PEDS1: variants seen among roughly 807,000 people sequenced by gnomAD.
The protein encoded by PEDS1 is plasmanylethanolamine desaturase 1.
A neutral mutation model predicts 35.2 loss-of-function variants in PEDS1; 14 were observed. The ratio of observed to expected loss-of-function variants is 0.40; its 90% confidence interval spans 0.26 to 0.62. The LOEUF is 0.62. PEDS1 is among the 20% of genes least tolerant of loss of function. The probability of loss-of-function intolerance (pLI) is 0.44; values close to 1 mark genes in which losing one functional copy is unlikely to be tolerated. For missense variants in PEDS1, 260 were observed against 367.8 expected, an observed-to-expected ratio of 0.71 and a Z score of 2.40; for synonymous variants, 152 against 152.0, an observed-to-expected ratio of 1.00 and a Z score of 0.00.
chr20:50,137,413 A>C (rs2081248237), intron 2 of PEDS1, among the ~76,000 whole-genome samples: 1 of 152,208 alleles, frequency 6.6e-6, no homozygotes, highest in African/African-American at 2.4e-5. Context: ...CACAGTGATA[A>C]GTCATGTTGA....
At chr20:50,132,243 C>A (rs149294997) in intron 2 of PEDS1, among the ~76,000 whole-genome samples, 1 of 152,116 alleles carries the variant, frequency 6.6e-6, no homozygotes, top group Non-Finnish European at 1.5e-5. Context: ...CTAACATTTA[C>A]GAGCACTTTC....
chr20:50,128,312 C>T lies in PEDS1; in HGVS notation c.479-125G>A, dbSNP rs895235855. On this transcript the variant is annotated intron_variant, in intron 4 of 5. Transcript: ENST00000371652. This position sits in a 1 kb window ranked among gnomAD's most constrained non-coding sequence, Gnocchi z 5.2. ...TGGGCAAGCACCCAGGATTCTCTTC[C>T]ACCCCCTGCAGGGCCGCAGGCAAGC... is the stretch of plus-strand genomic sequence containing the variant. 1.1e-5 allele frequency: 14 copies of T among 1,230,194 alleles called. No individual in the cohort carries two copies. The highest frequency in any genetic ancestry group is 5.3e-4 in the Middle Eastern group (2 of 3,766). The allele number at this position is 1,230,194 out of a possible 1,614,324, so 76.2% of individuals were successfully genotyped here. A position where few individuals can be genotyped will look rare whatever the true frequency, so the allele number is the denominator to read the frequency against.
rs2081066717 is a variant in PEDS1, at chr20:50,123,289, A to C, written c.*1769T>G. ...TGTTCTTTTTTTTTTTTTCTAAGCG[A>C]AGTCTCGCTCTTATCCCCCAGGTTT... On this transcript the variant is annotated 3_prime_UTR_variant, in exon 6 of 6. Coordinates refer to ENST00000371652, the MANE Select transcript of PEDS1 (RefSeq NM_199129.4). 1 of 149,462 alleles carries C rather than the reference A, an allele frequency of 6.7e-6. No individual in the cohort carries two copies. The highest frequency in any genetic ancestry group is 6.7e-5 in the Admixed American group (1 of 15,034). The allele number at this position is 149,462 out of a possible 1,614,324, so 9.3% of individuals were successfully genotyped here. A position where few individuals can be genotyped will look rare whatever the true frequency, so the allele number is the denominator to read the frequency against.
At chr20:50,127,854 A>G (rs1441990250) in intron 5 of PEDS1, 121 bp downstream of exon 5, 3 of 1,359,448 alleles carry the variant, frequency 2.2e-6, no homozygotes, top group Non-Finnish European at 3.0e-6. Context: ...ATGACCTGAG[A>G]GACTGTTCCC....
rs760411151 is a variant in PEDS1, at chr20:50,153,376, G to A, written c.121+141C>T. 8.3e-6 allele frequency: 10 copies of A among 1,208,032 alleles called. No individual in the cohort carries two copies. The African/African-American group carries it at 1.6e-4, about 19-fold the overall frequency. The allele number at this position is 1,208,032 out of a possible 1,614,324, so 74.8% of individuals were successfully genotyped here. A position where few individuals can be genotyped will look rare whatever the true frequency, so the allele number is the denominator to read the frequency against. ...GGTTCGGAAGGGACACTGGGGTGGG[G>A]TCCCCGAACTTGCTATTTGCAAGTT... On this transcript the variant is annotated intron_variant, in intron 1 of 5. Coordinates refer to ENST00000371652, the MANE Select transcript of PEDS1 (RefSeq NM_199129.4).
chr20:50,143,499 C>T lies in PEDS1; in HGVS notation c.241+3G>A, dbSNP rs779290720. 2 of 1,603,600 alleles carry T rather than the reference C, an allele frequency of 1.2e-6. No individual in the cohort carries two copies. Among genetic ancestry groups the T allele is most frequent in the South Asian group, 1.1e-5 (1 of 89,244 alleles). On this transcript the variant is annotated splice_donor_region_variant and intron_variant, in intron 2 of 5. Coordinates refer to ENST00000371652, the MANE Select transcript of PEDS1 (RefSeq NM_199129.4). ...GGCAGGCAGCAGTGCCTCGGGCACT[C>T]ACCAACACCGAGTATGACGAGGGGT... is the stretch of plus-strand genomic sequence containing the variant.
At chr20:50,131,272 C>T in intron 2 of PEDS1, 1 of 608,798 alleles carries the variant, frequency 1.6e-6, no homozygotes, top group South Asian at 2.0e-5. Context: ...AAAGCCTGCT[C>T]TGCACCAGTG....
chr20:50,146,113 C>T (rs558172243), intron 1 of PEDS1, among the ~76,000 whole-genome samples: 22 of 152,350 alleles, frequency 1.4e-4, no homozygotes, highest in Non-Finnish European at 2.5e-4. Flanking sequence ...CGGGGCCAGG[C>T]AGGTCCCTGT....
chr20:50,146,399 C>G (rs1385647644), intron 1 of PEDS1, among the ~76,000 whole-genome samples: 3 of 152,174 alleles, frequency 2.0e-5, no homozygotes, highest in Non-Finnish European at 4.4e-5. Context: ...AGAACCATGT[C>G]TGGCTCACTC....
At position 50,124,049 on chromosome 20, in the gene PEDS1, C is replaced by G. The variant is rs2081073809; in HGVS notation, c.*1009G>C. 6.5e-6 allele frequency: 1 copy of G among 152,678 alleles called. No individual in the cohort carries two copies. Among genetic ancestry groups the G allele is most frequent in the East Asian group, 1.9e-4 (1 of 5,188 alleles). 9.5% of individuals were successfully genotyped at this position (152,678 alleles called of 1,614,324 possible). ...TAATTCACTGTCTCAGGTGACAGCT[C>G]TCATCCTGAGGCCAGGGTTGGGGGG... On this transcript the variant is annotated 3_prime_UTR_variant, in exon 6 of 6. Transcript: ENST00000371652.
chr20:50,150,318 C>T (rs773114488), intron 1 of PEDS1, among the ~76,000 whole-genome samples: 1 of 152,176 alleles, frequency 6.6e-6, no homozygotes, highest in South Asian at 2.1e-4. Context: ...ACATTCTGCT[C>T]CTAGAACCCA....
At chr20:50,133,508 C>T (rs1339496248) in intron 2 of PEDS1, among the ~76,000 whole-genome samples, 1 of 152,148 alleles carries the variant, frequency 6.6e-6, no homozygotes, top group Non-Finnish European at 1.5e-5. Flanking sequence ...TGGCCCTGCT[C>T]TGGTCTGGGC....
rs189480023 is a variant in PEDS1, at chr20:50,150,730, T to C, written c.121+2787A>G. Reference sequence around the variant, plus strand: ...TTTTTTGAGACAGAGTCTCGCTCTGTCATCCAGGCTGGAATGCAGTGGTGT... The same window carrying C: ...TTTTTTGAGACAGAGTCTCGCTCTGCCATCCAGGCTGGAATGCAGTGGTGT... On this transcript the variant is annotated intron_variant, in intron 1 of 5. Coordinates refer to ENST00000371652, the MANE Select transcript of PEDS1 (RefSeq NM_199129.4). Among the ~76,000 whole-genome samples, 14 of 152,114 alleles carry C rather than the reference T, an allele frequency of 9.2e-5. No homozygotes were observed. In the East Asian group the frequency reaches 2.7e-3, roughly 29 times the overall value.
chr20:50,153,562 C>T lies in PEDS1; in HGVS notation c.76G>A (p.Ala26Thr). The change falls in exon 1 of 6, where the codon GCG becomes ACG. Residue 26 changes from alanine (A) to threonine (T), a missense_variant. By Grantham distance (58) the Ala-to-Thr change is moderately conservative. This residue lies in a region of PEDS1 where 114 missense variants were observed against 121.6 expected (regional missense o/e 0.94). Transcript: ENST00000371652. Reference protein sequence around the residue: ...EDEASCCRWGAQHAGARELAA... With the variant: ...EDEASCCRWGTQHAGARELAA... ...AGCTCGCGGGCCCCGGCGTGCTGCG[C>T]GCCCCAGCGGCAACAAGACGCCTCG... is the stretch of plus-strand genomic sequence containing the variant. The T allele has an allele frequency of 2.1e-6, 3 of 1,434,346 alleles. No homozygotes were observed. Among genetic ancestry groups the T allele is most frequent in the East Asian group, 3.0e-5 (1 of 33,174 alleles). 88.9% of individuals were successfully genotyped at this position (1,434,346 alleles called of 1,614,324 possible).
In PEDS1 at chr20:50,122,181, T is replaced by C. The variant is rs904227862; in HGVS notation, c.*2877A>G. The stretch of plus-strand genomic sequence containing the variant: ...AAACAGAGCTTAGAGAGACCACGTT[T>C]TGATGAATCATGTGAGCCCCTGGGT... On this transcript the variant is annotated 3_prime_UTR_variant, in exon 6 of 6. Coordinates refer to ENST00000371652, the MANE Select transcript of PEDS1 (RefSeq NM_199129.4). The C allele has an allele frequency of 1.3e-5, 2 of 152,240 alleles. No individual in the cohort carries two copies. Among genetic ancestry groups the C allele is most frequent in the Non-Finnish European group, 2.9e-5 (2 of 68,042 alleles). The allele number at this position is 152,240 out of a possible 1,614,324, so 9.4% of individuals were successfully genotyped here.
intron 1 of PEDS1, among the ~76,000 whole-genome samples, chr20:50,146,049 C>T (rs954707927): frequency 3.3e-5 from 5 of 152,194 alleles, no homozygotes; most frequent in African/African-American, 9.7e-5. Flanking sequence ...TTCCCCATCA[C>T]CCTATCACCT....
At chr20:50,144,114 G>A (rs1409142491) in intron 1 of PEDS1, among the ~76,000 whole-genome samples, 1 of 152,114 alleles carries the variant, frequency 6.6e-6, no homozygotes, top group Non-Finnish European at 1.5e-5. Flanking sequence ...CCCTCACCAA[G>A]GTCAAACAGT....
At chr20:50,130,750 T>C in intron 3 of PEDS1, 106 bp downstream of exon 3, 1 of 1,397,740 alleles carries the variant, frequency 7.2e-7, no homozygotes, top group Non-Finnish European at 9.8e-7. Context: ...CAATGATGGT[T>C]CCCATCTTTC....
In PEDS1 at chr20:50,124,927, G is replaced by C; in HGVS notation, c.*131C>G. The C allele has an allele frequency of 7.9e-7, 1 of 1,272,592 alleles. No individual in the cohort carries two copies. Among genetic ancestry groups the C allele is most frequent in the Non-Finnish European group, 1.1e-6 (1 of 912,464 alleles). The allele number at this position is 1,272,592 out of a possible 1,614,324, so 78.8% of individuals were successfully genotyped here. A position where few individuals can be genotyped will look rare whatever the true frequency, so the allele number is the denominator to read the frequency against. The stretch of plus-strand genomic sequence containing the variant: ...ATTCTGTGTCATGAGGGGTGGGCTG[G>C]GGTACCTGGGCCCAGCCCAGGAGAT... On this transcript the variant is annotated 3_prime_UTR_variant, in exon 6 of 6. Transcript: ENST00000371652.
Sources: allele counts gnomAD v4.1 joint callset (sites outside exome capture counted in the v4.1 genomes callset), GRCh38; gene constraint gnomAD v4.1.1; regional missense constraint gnomAD v4.1.1; non-coding constraint Gnocchi (gnomAD v3.1); transcripts MANE v1.5; gene names NCBI Gene and HGNC (gene_info 2026-07-23, HGNC 2026-07-21).